FAM107B: variants seen among roughly 807,000 people sequenced by gnomAD.
The protein encoded by FAM107B is family with sequence similarity 107 member B.
A neutral mutation model predicts 31.5 loss-of-function variants in FAM107B; 21 were observed. The ratio of observed to expected loss-of-function variants is 0.67; its 90% CI spans 0.47 to 0.96. The LOEUF is 0.96. Ranked by LOEUF, FAM107B falls within the 40% of genes least tolerant of loss-of-function variation. FAM107B has a pLI of 0.00. For missense variants in FAM107B, 452 were observed against 377.1 expected (o/e 1.20, Z -1.64); for synonymous variants, 157 against 141.5 (o/e 1.11, Z -0.78).
intron 1 of FAM107B, among the ~76,000 whole-genome samples, chr10:14,676,524 C>T (rs1854686254): frequency 6.6e-6 from 1 of 152,150 alleles, no homozygotes; most frequent in African/African-American, 2.4e-5. Flanking sequence ...TTGTTTCACG[C>T]CCAACATAGT....
intron 2 of FAM107B, among the ~76,000 whole-genome samples, chr10:14,576,234 AAGCC>A (rs1851461026): frequency 6.6e-6 from 1 of 152,192 alleles, no homozygotes; most frequent in African/African-American, 2.4e-5. Context: ...ATTTTTTAAA[AAGCC>A]ACTGAGTTGG....
intron 2 of FAM107B, among the ~76,000 whole-genome samples, chr10:14,636,523 A>T (rs1390945037): frequency 6.6e-6 from 1 of 152,220 alleles, no homozygotes; most frequent in African/African-American, 2.4e-5. Flanking sequence ...AGCACTGAAC[A>T]CTACATCTCT....
At chr10:14,615,831 C>T (rs1852836009) in intron 2 of FAM107B, among the ~76,000 whole-genome samples, 1 of 152,140 alleles carries the variant, frequency 6.6e-6, no homozygotes, top group Non-Finnish European at 1.5e-5. Context: ...TGTATGTGTT[C>T]CCTAATTACC....
At chr10:14,651,153 T>C (rs1176243697) in intron 2 of FAM107B, among the ~76,000 whole-genome samples, 1 of 152,232 alleles carries the variant, frequency 6.6e-6, no homozygotes, top group East Asian at 1.9e-4. Context: ...TTGACAACTT[T>C]AGCTAGTATA....
intron 1 of FAM107B, among the ~76,000 whole-genome samples, chr10:14,679,228 C>G (rs558143747): frequency 1.3e-5 from 2 of 152,224 alleles, no homozygotes; most frequent in South Asian, 4.1e-4. Context: ...CTGCTGGGCT[C>G]AAGCGATCCT....
At chr10:14,556,822 C>A (rs1055981095) in intron 2 of FAM107B, among the ~76,000 whole-genome samples, 3 of 152,232 alleles carry the variant, frequency 2.0e-5, no homozygotes, top group Non-Finnish European at 4.4e-5. Flanking sequence ...TTGTCAGGGC[C>A]TCTCAATAGC....
chr10:14,643,985 T>G (rs1404494495), intron 2 of FAM107B, among the ~76,000 whole-genome samples: 1 of 152,134 alleles, frequency 6.6e-6, no homozygotes, highest in Non-Finnish European at 1.5e-5. Flanking sequence ...ATTGAAGAAT[T>G]TTTAGAGCTG....
chr10:14,672,465 C>T lies in FAM107B; in HGVS notation c.412-4774G>A, dbSNP rs557358926. Among the ~76,000 whole-genome samples the T allele has an allele frequency of 5.3e-5, 8 of 152,320 alleles. No homozygotes were observed. The East Asian group carries it at 1.5e-3, about 29-fold the overall frequency. ...CCAAGAATGTACTATTAAAATTTGT[C>T]AAACAAATGGACTTTTCATTTACAG... On this transcript the variant is annotated intron_variant, in intron 1 of 4. Transcript: ENST00000181796.
At chr10:14,661,906 T>C (rs756571705) in intron 2 of FAM107B, among the ~76,000 whole-genome samples, 13 of 152,326 alleles carry the variant, frequency 8.5e-5, no homozygotes, top group Admixed American at 3.9e-4. Context: ...CATGCAGTTC[T>C]CTCTGTCTGT....
chr10:14,607,703 G>C (rs1852628881), intron 2 of FAM107B, among the ~76,000 whole-genome samples: 1 of 152,212 alleles, frequency 6.6e-6, no homozygotes, highest in Admixed American at 6.5e-5. Flanking sequence ...CTGTATTTAA[G>C]ATTTTGTTCT....
chr10:14,674,376 T>C (rs1356136892), intron 1 of FAM107B, among the ~76,000 whole-genome samples: 2 of 152,210 alleles, frequency 1.3e-5, no homozygotes, highest in Admixed American at 6.5e-5. Context: ...ATCCAGAATA[T>C]ACAGGGGCTG....
intron 1 of FAM107B, among the ~76,000 whole-genome samples, chr10:14,729,002 G>GC (rs546332440): frequency 6.6e-6 from 1 of 151,002 alleles, no homozygotes; most frequent in African/African-American, 2.4e-5. Flanking sequence ...TATGTGTTTT[G>GC]TTTTTTTTTA....
chr10:14,768,137 G>A (rs957509436), intron 1 of FAM107B, among the ~76,000 whole-genome samples: 27 of 152,132 alleles, frequency 1.8e-4, no homozygotes, highest in Admixed American at 1.8e-3. Context: ...AAATGTTACT[G>A]AAAGAAATTA....
At chr10:14,574,280 C>T (rs535658413) in intron 2 of FAM107B, among the ~76,000 whole-genome samples, 1 of 152,224 alleles carries the variant, frequency 6.6e-6, no homozygotes, top group South Asian at 2.1e-4. Flanking sequence ...TACCCTGAGA[C>T]ATCACAATAT....
intron 1 of FAM107B, among the ~76,000 whole-genome samples, chr10:14,761,951 A>G (rs1327712525): frequency 1.3e-5 from 2 of 152,126 alleles, no homozygotes; most frequent in African/African-American, 4.8e-5. Flanking sequence ...GGCCACCTAG[A>G]GACTTCCCAG....
chr10:14,596,535 A>T (rs1852194418), intron 2 of FAM107B, among the ~76,000 whole-genome samples: 1 of 152,168 alleles, frequency 6.6e-6, no homozygotes, highest in East Asian at 1.9e-4. Flanking sequence ...AGATGATTAA[A>T]AACTGTTCAT....
chr10:14,527,837 C>G (rs1588476115), intron 3 of FAM107B: 1 of 226,390 alleles, frequency 4.4e-6, no homozygotes, highest in East Asian at 1.3e-4. Context: ...ATAAAAACCC[C>G]AGTCTCTAAA....
intron 2 of FAM107B, chr10:14,553,292 G>A: frequency 1.7e-6 from 2 of 1,196,230 alleles, no homozygotes; most frequent in African/African-American, 1.6e-5. Flanking sequence ...GAATAAAGAT[G>A]ACCGAGACAG....
At chr10:14,650,434 C>T (rs1260830339) in intron 2 of FAM107B, among the ~76,000 whole-genome samples, 1 of 151,992 alleles carries the variant, frequency 6.6e-6, no homozygotes, top group African/African-American at 2.4e-5. Context: ...TACAGGTACC[C>T]ACCACCATGC....
Sources: gnomAD v4.1 joint callset for allele counts (sites outside exome capture counted in the v4.1 genomes callset) on GRCh38, gnomAD v4.1.1 for gene constraint, MANE v1.5 for transcripts, NCBI Gene and HGNC (gene_info 2026-07-23, HGNC 2026-07-21) for gene names.